The following NELL2 variants were observed in gnomAD, a reference collection of about 807,000 sequenced individuals.
NELL2 encodes the protein protein kinase C-binding protein NELL2.
A neutral mutation model predicts 109.6 loss-of-function variants in NELL2; 41 were observed. That is an observed-to-expected ratio of 0.37 (90% CI 0.29 to 0.49). NELL2 has a LOEUF of 0.49. Among genes scored for constraint, NELL2 ranks in the 20% least tolerant of loss-of-function variants. The pLI, the probability that NELL2 is intolerant of heterozygous loss-of-function variation, is 0.98. For synonymous variants in NELL2, 355 were observed against 344.7 expected, an observed-to-expected ratio of 1.03 and a Z score of -0.33; for missense variants, 900 against 1,008.3, an observed-to-expected ratio of 0.89 and a Z score of 1.45.
intron 19 of NELL2, among the ~76,000 whole-genome samples, chr12:44,516,698 T>C (rs1273561751): frequency 1.3e-5 from 2 of 152,172 alleles, no homozygotes; most frequent in East Asian, 3.8e-4. Context: ...TCTTACTTTG[T>C]CACCCAAGGT....
chr12:44,848,773 T>G (rs1159913540), intron 2 of NELL2, among the ~76,000 whole-genome samples: 1 of 152,166 alleles, frequency 6.6e-6, no homozygotes. Flanking sequence ...CTTTAAGCAG[T>G]GGTCACAGGA....
intron 3 of NELL2, among the ~76,000 whole-genome samples, chr12:44,808,866 T>C (rs987024689): frequency 1.9e-4 from 29 of 152,044 alleles, no homozygotes; most frequent in Non-Finnish European, 3.8e-4. Flanking sequence ...ATTAAGAGGA[T>C]AGAAAAATCT....
At chr12:44,528,644 A>G (rs1941909582) in intron 16 of NELL2, among the ~76,000 whole-genome samples, 1 of 152,248 alleles carries the variant, frequency 6.6e-6, no homozygotes. Flanking sequence ...CTGACAAGCA[A>G]ACACAAACTA....
intron 13 of NELL2, among the ~76,000 whole-genome samples, chr12:44,657,274 T>G (rs1233388667): frequency 6.6e-6 from 1 of 152,122 alleles, no homozygotes; most frequent in Non-Finnish European, 1.5e-5. Flanking sequence ...CTTCTTTAAA[T>G]AAAAATATTT....
chr12:44,668,785 C>A lies in NELL2; in HGVS notation c.1319-3176G>T, dbSNP rs560757448. Among the ~76,000 whole-genome samples, 276 of 152,276 alleles carry A rather than the reference C, an allele frequency of 1.8e-3. 2 individuals are homozygous for A. Among genetic ancestry groups the A allele is most frequent in the African/African-American group, 5.7e-3 (235 of 41,550 alleles). On this transcript the variant is annotated intron_variant, in intron 12 of 19. Coordinates refer to ENST00000429094, the MANE Select transcript of NELL2 (RefSeq NM_001145108.2). ...AACCCACTGCCACCACCGTTAGTAC[C>A]TGGGCATGTGGCTCAGAGACCTGAG... is the stretch of plus-strand genomic sequence containing the variant.
intron 9 of NELL2, among the ~76,000 whole-genome samples, chr12:44,767,741 AC>A (rs1257906572): frequency 2.0e-5 from 3 of 152,178 alleles, no homozygotes; most frequent in African/African-American, 2.4e-5. Flanking sequence ...TAACAAAAAA[AC>A]AAAGTTCAGG....
intron 1 of NELL2, among the ~76,000 whole-genome samples, chr12:44,886,817 C>T (rs953986992): frequency 3.7e-4 from 56 of 151,968 alleles, no homozygotes; most frequent in Non-Finnish European, 6.9e-4. Context: ...CTCCCCTCCC[C>T]GCTAAACTTC....
At chr12:44,609,840 T>C (rs899030779) in intron 14 of NELL2, among the ~76,000 whole-genome samples, 29 of 152,160 alleles carry the variant, frequency 1.9e-4, no homozygotes, top group African/African-American at 5.3e-4. Flanking sequence ...CACGGTATCA[T>C]AGCAAACTGA....
At chr12:44,834,438 T>C (rs1199924708) in intron 2 of NELL2, among the ~76,000 whole-genome samples, 1 of 30,214 alleles carries the variant, frequency 3.3e-5, no homozygotes, top group Admixed American at 3.2e-4. Context: ...CACGCATTCT[T>C]TTTTTTTTTT....
At chr12:44,817,637 G>A (rs1209167782) in intron 2 of NELL2, among the ~76,000 whole-genome samples, 1 of 152,130 alleles carries the variant, frequency 6.6e-6, no homozygotes, top group Non-Finnish European at 1.5e-5. Context: ...GATACGAAAG[G>A]GCATCACATA....
At chr12:44,742,485 A>C in intron 9 of NELL2, among the ~76,000 whole-genome samples, 1 of 152,234 alleles carries the variant, frequency 6.6e-6, no homozygotes, top group East Asian at 1.9e-4. Flanking sequence ...TGAGAGAAGA[A>C]GGCTTCAGAC....
chr12:44,845,821 T>A lies in NELL2; in HGVS notation c.184+29404A>T, dbSNP rs562821040. 2.0e-5 allele frequency among the ~76,000 whole-genome samples: 3 copies of A among 152,326 alleles called. No individual in the cohort carries two copies. The East Asian group carries it at 5.8e-4, about 29-fold the overall frequency. On this transcript the variant is annotated intron_variant, in intron 2 of 19. Coordinates refer to ENST00000429094, the MANE Select transcript of NELL2 (RefSeq NM_001145108.2). ...CTACTCTCAGGTTCCATGAGAGTTA[T>A]CCTGAAGAGCCTGAAGCAGCAAAAT...
At chr12:44,566,872 C>T (rs1368256742) in intron 15 of NELL2, among the ~76,000 whole-genome samples, 1 of 151,840 alleles carries the variant, frequency 6.6e-6, no homozygotes, top group African/African-American at 2.4e-5. Context: ...AGTGCAATGG[C>T]ATGATCTTGG....
chr12:44,694,966 T>A (rs78923058), intron 12 of NELL2, among the ~76,000 whole-genome samples: 8,893 of 150,574 alleles, frequency 0.059, 865 homozygotes, highest in African/African-American at 0.2. Context: ...ACTAAACAAG[T>A]TAGTTGTGAG....
chr12:44,577,627 C>T (rs1944154154), intron 15 of NELL2, among the ~76,000 whole-genome samples: 1 of 151,768 alleles, frequency 6.6e-6, no homozygotes, highest in African/African-American at 2.4e-5. Flanking sequence ...ACAGGCGCCA[C>T]CACCATGCCC....
chr12:44,849,717 T>C (rs1944476421), intron 2 of NELL2, among the ~76,000 whole-genome samples: 1 of 152,164 alleles, frequency 6.6e-6, no homozygotes, highest in Admixed American at 6.5e-5. Flanking sequence ...TTATTCATAA[T>C]AGCCAAAGAC....
intron 2 of NELL2, among the ~76,000 whole-genome samples, chr12:44,818,769 T>C (rs1474929615): frequency 1.5e-4 from 19 of 125,308 alleles, no homozygotes; most frequent in Non-Finnish European, 3.1e-4. Flanking sequence ...GGAGTCTCGC[T>C]CTGTCGCCCA....
intron 2 of NELL2, among the ~76,000 whole-genome samples, chr12:44,825,391 C>CTTTTTT (rs34266446): frequency 7.8e-4 from 65 of 83,608 alleles, no homozygotes; most frequent in Non-Finnish European, 9.9e-4. Context: ...TATTCATTTC[C>CTTTTTT]TTTTTTTTTT....
At position 44,508,707 on chromosome 12, in the gene NELL2, G is replaced by A; in HGVS notation, c.*227C>T. 1.9e-6 allele frequency: 1 copy of A among 538,406 alleles called. No homozygotes were observed. Among genetic ancestry groups the A allele is most frequent in the Middle Eastern group, 5.3e-4 (1 of 1,870 alleles). The allele number at this position is 538,406 out of a possible 1,614,324, so 33.4% of individuals were successfully genotyped here. A position where few individuals can be genotyped will look rare whatever the true frequency, so the allele number is the denominator to read the frequency against. On this transcript the variant is annotated 3_prime_UTR_variant, in exon 20 of 20. Transcript: ENST00000429094. ...TACTGTACGCCCATTCTTCTACATG[G>A]TGATGTGAGACACAGTAGAGGCAGA...
Sources: gnomAD v4.1 joint callset for allele counts (sites outside exome capture counted in the v4.1 genomes callset) on GRCh38, gnomAD v4.1.1 for gene constraint, MANE v1.5 for transcripts, NCBI Gene and HGNC (gene_info 2026-07-23, HGNC 2026-07-21) for gene names.